VPS29: variants seen among roughly 807,000 people sequenced by gnomAD.
VPS29 encodes vacuolar protein sorting-associated protein 29.
VPS29 carries 2 observed loss-of-function variants against 20.0 expected under a neutral mutation model. That is an observed-to-expected ratio of 0.10 (90% CI 0.04 to 0.31). VPS29 has a LOEUF of 0.31. Ranked by LOEUF, VPS29 falls within the 10% of genes least tolerant of loss-of-function variation. VPS29 has a pLI of 1.00. For synonymous variants in VPS29, 81 were observed against 79.3 expected, an observed-to-expected ratio of 1.02 and a Z score of -0.12; for missense variants, 120 against 215.3, an observed-to-expected ratio of 0.56 and a Z score of 2.77.
intron 1 of VPS29, among the ~76,000 whole-genome samples, chr12:110,497,553 A>C (rs767201667): frequency 6.6e-6 from 1 of 152,000 alleles, no homozygotes; most frequent in African/African-American, 2.4e-5. Context: ...AACAACATTA[A>C]TTTAGCCATT....
rs767591041 is a variant in VPS29 at position 110,492,027 on chromosome 12, C to T, written c.527G>A (p.Arg176Gln). 6.2e-7 allele frequency: 1 copy of T among 1,613,522 alleles called. No individual in the cohort carries two copies. Among genetic ancestry groups the T allele is most frequent in the Non-Finnish European group, 8.5e-7 (1 of 1,179,868 alleles). The change falls in exon 4 of 4, where the codon CGA becomes CAA. Residue 176 changes from arginine (R) to glutamine (Q), a missense_variant. Coordinates refer to ENST00000549578, the MANE Select transcript of VPS29 (RefSeq NM_016226.5). The part of the protein sequence containing the change: ...QLIGDDVKVE[R>Q]IEYKKP ...GCTTTAAGGTTTTTTGTATTCGATT[C>T]GTTCTACTTTCACATCATCTCCAAT...
At chr12:110,497,103 T>A (rs990513418) in intron 1 of VPS29, 1 of 152,060 alleles carries the variant, frequency 6.6e-6, no homozygotes, top group African/African-American at 2.4e-5. Context: ...CATAAGGTGG[T>A]TTAGAGCTGC....
At chr12:110,497,341 C>G (rs1471458849) in intron 1 of VPS29, among the ~76,000 whole-genome samples, 1 of 150,412 alleles carries the variant, frequency 6.6e-6, no homozygotes, top group South Asian at 2.1e-4. Flanking sequence ...CTCAGCTTCC[C>G]GAGTAGCTGG....
At chr12:110,501,682 G>A (rs941726275) in intron 1 of VPS29, 1 of 1,456,464 alleles carries the variant, frequency 6.9e-7, no homozygotes, top group East Asian at 2.5e-5. Flanking sequence ...AAACGAGTAG[G>A]AACCGTCTGG....
chr12:110,501,818 G>T (rs746661700), intron 1 of VPS29: 335 of 1,174,358 alleles, frequency 2.9e-4, no homozygotes, highest in Non-Finnish European at 4.0e-4. Context: ...CCCTTGGATG[G>T]CCTCTGGCCC....
At chr12:110,493,348 A>C in intron 2 of VPS29, 117 bp from the exon 3 acceptor site, 26 of 653,814 alleles carry the variant, frequency 4.0e-5, no homozygotes, top group Non-Finnish European at 5.7e-5. Context: ...ACCCCACAAC[A>C]CACACATTTA....
At chr12:110,501,393 TC>T in intron 1 of VPS29, 1 of 1,535,182 alleles carries the variant, frequency 6.5e-7, no homozygotes. Context: ...TTCAATGAGT[TC>T]ACACATCATT....
intron 3 of VPS29, 166 bp downstream of exon 3, chr12:110,492,830 T>A: frequency 1.6e-6 from 1 of 624,768 alleles, no homozygotes; most frequent in South Asian, 2.0e-5. Context: ...CACCATATTG[T>A]CTAGGCTGGT....
intron 3 of VPS29, 89 bp from the exon 4 acceptor site, chr12:110,492,211 AG>A (rs1425158200): frequency 9.6e-7 from 1 of 1,037,132 alleles, no homozygotes; most frequent in East Asian, 2.4e-5. Context: ...TTGGATTCAG[AG>A]AAATCTGTTA....
At chr12:110,501,274 G>T in intron 1 of VPS29, 1 of 1,051,414 alleles carries the variant, frequency 9.5e-7, no homozygotes, top group Non-Finnish European at 1.4e-6. Context: ...CCAAACTACT[G>T]GGGGTGAAGG....
In VPS29 at chr12:110,491,883, G is replaced by A. The variant is rs531152867; in HGVS notation, c.*122C>T. 1.7e-4 allele frequency: 121 copies of A among 699,770 alleles called. No homozygotes were observed. Among genetic ancestry groups the A allele is most frequent in the Non-Finnish European group, 2.8e-4 (113 of 400,180 alleles). The allele number at this position is 699,770 out of a possible 1,614,324, so 43.3% of individuals were successfully genotyped here. A position where few individuals can be genotyped will look rare whatever the true frequency, so the allele number is the denominator to read the frequency against. On this transcript the variant is annotated 3_prime_UTR_variant, in exon 4 of 4. Coordinates refer to ENST00000549578, the MANE Select transcript of VPS29 (RefSeq NM_016226.5). ...CAATTATGTATTAACAGAGAAGATGGTATTATATTTTACTGCAAAATATTA... is the reference window on the plus strand; with the variant it reads ...CAATTATGTATTAACAGAGAAGATGATATTATATTTTACTGCAAAATATTA...
At chr12:110,500,563 G>C (rs1393418652) in intron 1 of VPS29, among the ~76,000 whole-genome samples, 1 of 152,158 alleles carries the variant, frequency 6.6e-6, no homozygotes, top group Non-Finnish European at 1.5e-5. Context: ...TGCCATGTCT[G>C]TAAGTCCCCC....
intron 2 of VPS29, among the ~76,000 whole-genome samples, chr12:110,494,931 A>G (rs1233752239): frequency 6.6e-6 from 1 of 151,934 alleles, no homozygotes; most frequent in Non-Finnish European, 1.5e-5. Context: ...CGTATCAGCC[A>G]GGATGGTCTT....
intron 3 of VPS29, 64 bp from the exon 4 acceptor site, chr12:110,492,186 A>AT: frequency 8.1e-7 from 1 of 1,236,218 alleles, no homozygotes; most frequent in Non-Finnish European, 1.2e-6. Context: ...ATAAATTTCA[A>AT]TTTAAGATGA....
At chr12:110,494,274 A>G (rs1378623178) in intron 2 of VPS29, among the ~76,000 whole-genome samples, 2 of 143,728 alleles carry the variant, frequency 1.4e-5, no homozygotes, top group Non-Finnish European at 3.0e-5. Flanking sequence ...TTTTTTTGAG[A>G]CAGAGTCTCA....
At chr12:110,501,904 G>A (rs937076190) in intron 1 of VPS29, 145 bp downstream of exon 1, 16 of 1,553,046 alleles carry the variant, frequency 1.0e-5, no homozygotes, top group African/African-American at 1.4e-5. Context: ...GACCTCTTCT[G>A]GGCCTTTCCC....
chr12:110,492,602 TA>T (rs1389305963), intron 3 of VPS29, among the ~76,000 whole-genome samples: 302 of 27,772 alleles, frequency 0.011, no homozygotes, highest in African/African-American at 0.021. Flanking sequence ...ATTTTTATTT[TA>T]TTTATTTATT....
At chr12:110,495,873 A>C in intron 2 of VPS29, 139 bp downstream of exon 2, 1 of 689,624 alleles carries the variant, frequency 1.5e-6, no homozygotes. Context: ...CATGATGTAT[A>C]GTAATTTTAC....
intron 3 of VPS29, 106 bp from the exon 4 acceptor site, chr12:110,492,228 C>G: frequency 1.1e-6 from 1 of 881,212 alleles, no homozygotes; most frequent in Non-Finnish European, 1.8e-6. Flanking sequence ...TGTTACATAT[C>G]ACATGAACAG....
Sources: allele counts gnomAD v4.1 joint callset (sites outside exome capture counted in the v4.1 genomes callset), GRCh38; gene constraint gnomAD v4.1.1; transcripts MANE v1.5; gene names NCBI Gene and HGNC (gene_info 2026-07-23, HGNC 2026-07-21).